ATF7IP2: variants seen among roughly 807,000 people sequenced by gnomAD.
ATF7IP2 encodes activating transcription factor 7-interacting protein 2.
A neutral mutation model predicts 64.2 loss-of-function variants in ATF7IP2; 42 were observed. The observed-to-expected ratio is 0.65, with a 90% confidence interval of 0.51 to 0.85. ATF7IP2 has a LOEUF of 0.85. Ranked by LOEUF, ATF7IP2 falls within the 40% of genes least tolerant of loss-of-function variation. The probability of loss-of-function intolerance (pLI) is 0.00; values close to 1 mark genes in which losing one functional copy is unlikely to be tolerated. For synonymous variants in ATF7IP2, 308 were observed against 272.8 expected, an observed-to-expected ratio of 1.13 and a Z score of -1.27; for missense variants, 933 against 784.2, an observed-to-expected ratio of 1.19 and a Z score of -2.27.
chr16:10,458,919 C>G (rs1303751475), intron 9 of ATF7IP2, among the ~76,000 whole-genome samples: 2 of 152,208 alleles, frequency 1.3e-5, no homozygotes, highest in East Asian at 3.9e-4. Context: ...GGCGCGGTGG[C>G]TCACGCCTGT....
chr16:10,438,903 A>C (rs1468788993), intron 7 of ATF7IP2, among the ~76,000 whole-genome samples: 1 of 152,008 alleles, frequency 6.6e-6, no homozygotes, highest in Non-Finnish European at 1.5e-5. Context: ...AAATACAAAA[A>C]TTAGTTGGGC....
intron 3 of ATF7IP2, among the ~76,000 whole-genome samples, chr16:10,423,392 T>G (rs1227641255): frequency 6.6e-6 from 1 of 152,234 alleles, no homozygotes; most frequent in East Asian, 1.9e-4. Context: ...TTTACATTCT[T>G]TAAGTATTTT....
In ATF7IP2 at chr16:10,483,150, G is replaced by A. The variant is rs1416584410; in HGVS notation, c.*901G>A. On this transcript the variant is annotated 3_prime_UTR_variant, in exon 14 of 14. Coordinates refer to ENST00000562102, the MANE Select transcript of ATF7IP2 (RefSeq NM_001393719.1). ...AATCATTTGGGGAAATAGCCTGGAGGTCTTTCCTGAATCTGTTTGTAGACA... is the reference window on the plus strand; with the variant it reads ...AATCATTTGGGGAAATAGCCTGGAGATCTTTCCTGAATCTGTTTGTAGACA... 6.6e-6 allele frequency: 1 copy of A among 152,150 alleles called. No individual in the cohort carries two copies. The highest frequency in any genetic ancestry group is 1.5e-5 in the Non-Finnish European group (1 of 68,030). The allele number at this position is 152,150 out of a possible 1,614,324, so 9.4% of individuals were successfully genotyped here.
intron 8 of ATF7IP2, among the ~76,000 whole-genome samples, chr16:10,456,693 G>A (rs541058619): frequency 6.6e-6 from 1 of 152,266 alleles, no homozygotes; most frequent in Non-Finnish European, 1.5e-5. Flanking sequence ...GATTGGGCCT[G>A]CCATTGCCCC....
intron 4 of ATF7IP2, among the ~76,000 whole-genome samples, chr16:10,429,388 T>A (rs1213204490): frequency 6.6e-6 from 1 of 152,260 alleles, no homozygotes; most frequent in Non-Finnish European, 1.5e-5. Flanking sequence ...TCTCGCTCTG[T>A]CATCCAGGCT....
intron 3 of ATF7IP2, among the ~76,000 whole-genome samples, chr16:10,427,720 G>A (rs2141861409): frequency 6.6e-6 from 1 of 152,134 alleles, no homozygotes; most frequent in African/African-American, 2.4e-5. Flanking sequence ...TTAGCCAGTT[G>A]TGGTGGTGCA....
intron 1 of ATF7IP2, among the ~76,000 whole-genome samples, chr16:10,397,730 G>A (rs1019384290): frequency 2.6e-5 from 4 of 151,770 alleles, no homozygotes; most frequent in African/African-American, 7.2e-5. Flanking sequence ...TTAGGTGCAC[G>A]CCAGTGGTTT....
At chr16:10,440,741 A>G (rs947103149) in intron 8 of ATF7IP2, among the ~76,000 whole-genome samples, 11 of 152,276 alleles carry the variant, frequency 7.2e-5, no homozygotes, top group Admixed American at 5.2e-4. Context: ...TATATACAGC[A>G]AAGTTGAAAT....
At chr16:10,401,701 A>T (rs1014616977) in intron 1 of ATF7IP2, among the ~76,000 whole-genome samples, 8 of 148,548 alleles carry the variant, frequency 5.4e-5, no homozygotes, top group Non-Finnish European at 1.0e-4. Flanking sequence ...TCAGCTTTGT[A>T]TGGTAGAATT....
intron 2 of ATF7IP2, among the ~76,000 whole-genome samples, chr16:10,419,103 T>G (rs1257577793): frequency 6.6e-6 from 1 of 152,350 alleles, no homozygotes; most frequent in African/African-American, 2.4e-5. Context: ...CAGGTCCAAT[T>G]CTGTTTACAA....
rs564573589 is a variant in ATF7IP2 at position 10,419,030 on chromosome 16, C to T, written c.-202-551C>T. The stretch of plus-strand genomic sequence containing the variant: ...AATAATGATTCCATGGGAATCGTTG[C>T]GCAGCACCTCTGCCTGTTCTGCAGT... On this transcript the variant is annotated intron_variant, in intron 2 of 13. Coordinates refer to ENST00000562102, the MANE Select transcript of ATF7IP2 (RefSeq NM_001393719.1). Among the ~76,000 whole-genome samples, 10 of 152,292 alleles carry T rather than the reference C, an allele frequency of 6.6e-5. No homozygotes were observed. In the East Asian group the frequency reaches 7.7e-4, roughly 12 times the overall value.
chr16:10,479,958 CTTTTTTTTTTTTTTTTTTTT>C lies in ATF7IP2; in HGVS notation c.1550-897_1550-878del, dbSNP rs201158427. Among the ~76,000 whole-genome samples, 17 of 80,592 alleles carry C rather than the reference CTTTTTTTTTTTTTTTTTTTT, an allele frequency of 2.1e-4. No individual in the cohort carries two copies. In the South Asian group the frequency reaches 2.2e-3, roughly 10 times the overall value. 52.9% of individuals were successfully genotyped at this position (80,592 alleles called of 152,430 possible). A position where few individuals can be genotyped will look rare whatever the true frequency, so the allele number is the denominator to read the frequency against. On this transcript the variant is annotated intron_variant, in intron 12 of 13. Transcript: ENST00000562102. ...TCTCAGTGATTTAGAACTGGAAATA[CTTTTTTTTTTTTTTTTTTTT>C]TTTTTTTTTTTTTTTTTTTTTTTGA...
At chr16:10,401,094 A>G (rs2047524074) in intron 1 of ATF7IP2, among the ~76,000 whole-genome samples, 1 of 151,860 alleles carries the variant, frequency 6.6e-6, no homozygotes, top group African/African-American at 2.4e-5. Context: ...GATAAATCAC[A>G]TTTATTGATT....
intron 1 of ATF7IP2, among the ~76,000 whole-genome samples, chr16:10,407,598 A>C (rs1445738645): frequency 6.6e-6 from 1 of 152,232 alleles, no homozygotes; most frequent in East Asian, 1.9e-4. Flanking sequence ...TATGTAAAGG[A>C]AATCAAAATA....
At chr16:10,438,376 C>A in intron 7 of ATF7IP2, 141 bp downstream of exon 7, 1 of 799,696 alleles carries the variant, frequency 1.3e-6, no homozygotes, top group South Asian at 2.7e-5. Context: ...TCCAGAGTAG[C>A]TGAGACTACA....
At chr16:10,392,200 C>A in intron 1 of ATF7IP2, among the ~76,000 whole-genome samples, 1 of 151,714 alleles carries the variant, frequency 6.6e-6, no homozygotes. Context: ...GCCACCATGC[C>A]CAGCTAATTT....
rs1224485696 is a variant in ATF7IP2, at chr16:10,431,072, T to A, written c.452T>A (p.Val151Glu). Reference sequence around the variant, plus strand: ...AACGATTCTGAGCATCAGACAAATGTAACAAGATCCCTTTTTGAGCATGAG... The same window carrying A: ...AACGATTCTGAGCATCAGACAAATGAAACAAGATCCCTTTTTGAGCATGAG... The part of the protein sequence containing the change: ...SENDSEHQTN[V>E]TRSLFEHEGA... Residue 151 changes from valine to glutamate, a missense_variant, in exon 5 of 14, where the codon GTA (valine) becomes GAA (glutamate). Coordinates refer to ENST00000562102, the MANE Select transcript of ATF7IP2 (RefSeq NM_001393719.1). 6.2e-7 allele frequency: 1 copy of A among 1,614,032 alleles called. No homozygotes were observed. Among genetic ancestry groups the A allele is most frequent in the Non-Finnish European group, 8.5e-7 (1 of 1,180,026 alleles).
chr16:10,457,269 T>G (rs1046053059), intron 8 of ATF7IP2, 103 bp from the exon 9 acceptor site: 1 of 941,058 alleles, frequency 1.1e-6, no homozygotes, highest in Non-Finnish European at 1.6e-6. Flanking sequence ...TAACTTATGT[T>G]TTGCCATATG....
In ATF7IP2 at chr16:10,393,308, T is replaced by C. The variant is rs1397729443; in HGVS notation, c.-242+7186T>C. ...TCCAGGCTGGGTGACAGAGTGAGAC[T>C]CTGTCTCAAAAAAAAAAAAAAAAAA... On this transcript the variant is annotated intron_variant, in intron 1 of 13. Transcript: ENST00000562102. Among the ~76,000 whole-genome samples, 7 of 83,976 alleles carry C rather than the reference T, an allele frequency of 8.3e-5. 1 individual carries two copies. Among genetic ancestry groups the C allele is most frequent in the Admixed American group, 1.7e-4 (1 of 5,766 alleles). The allele number at this position is 83,976 out of a possible 152,430, so 55.1% of individuals were successfully genotyped here.
Sources: allele counts gnomAD v4.1 joint callset (sites outside exome capture counted in the v4.1 genomes callset), GRCh38; gene constraint gnomAD v4.1.1; transcripts MANE v1.5; gene names NCBI Gene and HGNC (gene_info 2026-07-23, HGNC 2026-07-21).